The following SMPD3 variants were observed in gnomAD, a reference collection of about 807,000 sequenced individuals.
SMPD3 encodes sphingomyelin phosphodiesterase 3.
In SMPD3, 21 loss-of-function variants were observed where a neutral mutation model predicts 55.7. That is an observed-to-expected ratio of 0.38 (90% CI 0.27 to 0.54). The LOEUF (loss-of-function observed/expected upper bound fraction) is 0.54. Among genes scored for constraint, SMPD3 ranks in the 20% least tolerant of loss-of-function variants. SMPD3 has a pLI of 0.80. For missense variants in SMPD3, 842 were observed against 899.6 expected (o/e 0.94, Z 0.82); for synonymous variants, 457 against 404.3 (o/e 1.13, Z -1.56).
chr16:68,368,878 G>A (rs781073835), intron 3 of SMPD3: 3 of 152,224 alleles, frequency 2.0e-5, no homozygotes, highest in Non-Finnish European at 4.4e-5. Context: ...TGGGGCTGCT[G>A]AGAGAACCTG....
intron 2 of SMPD3, among the ~76,000 whole-genome samples, chr16:68,377,407 C>A (rs2089842771): frequency 6.6e-6 from 1 of 152,222 alleles, no homozygotes; most frequent in Non-Finnish European, 1.5e-5. Context: ...GCATTGACAG[C>A]CGGCAGCCCC....
intron 1 of SMPD3, among the ~76,000 whole-genome samples, chr16:68,435,097 C>CT (rs2090512041): frequency 6.8e-6 from 1 of 147,728 alleles, no homozygotes; most frequent in Non-Finnish European, 1.5e-5. Flanking sequence ...GGAAGCCCTT[C>CT]CTTTTGGCTC....
intron 2 of SMPD3, among the ~76,000 whole-genome samples, chr16:68,372,814 G>A (rs947980741): frequency 6.6e-6 from 1 of 152,308 alleles, no homozygotes; most frequent in South Asian, 2.1e-4. Context: ...AGGTGACCCT[G>A]GGTCAGAGGA....
At chr16:68,407,525 AGTCTTTGCTAT>A (rs1475086964) in intron 1 of SMPD3, among the ~76,000 whole-genome samples, 1 of 151,932 alleles carries the variant, frequency 6.6e-6, no homozygotes, top group Non-Finnish European at 1.5e-5. Flanking sequence ...TAAGAGATGG[AGTCTTTGCTAT>A]GTTGGCCAAG....
intron 3 of SMPD3, 68 bp downstream of exon 3, chr16:68,370,791 G>A: frequency 6.3e-7 from 1 of 1,581,534 alleles, no homozygotes; most frequent in Non-Finnish European, 8.6e-7. Flanking sequence ...CCCCGCTGCA[G>A]CCCCCCTGCC....
At chr16:68,395,866 A>C (rs2090152107) in intron 1 of SMPD3, among the ~76,000 whole-genome samples, 1 of 152,234 alleles carries the variant, frequency 6.6e-6, no homozygotes, top group South Asian at 2.1e-4. Context: ...AAACAATAAA[A>C]AAGATCTTGG....
chr16:68,395,606 C>T (rs1009027073), intron 1 of SMPD3, among the ~76,000 whole-genome samples: 2 of 152,166 alleles, frequency 1.3e-5, no homozygotes, highest in South Asian at 2.1e-4. Context: ...GGCCTGTGGC[C>T]GCCCTAGCCT....
intron 1 of SMPD3, among the ~76,000 whole-genome samples, chr16:68,400,712 G>A (rs2090197753): frequency 6.6e-6 from 1 of 152,158 alleles, no homozygotes; most frequent in South Asian, 2.1e-4. Context: ...ATCTGCCATG[G>A]TTGTGCCTCT....
chr16:68,385,679 CTTGTT>C (rs2090042485), intron 2 of SMPD3, among the ~76,000 whole-genome samples: 1 of 152,152 alleles, frequency 6.6e-6, no homozygotes, highest in Non-Finnish European at 1.5e-5. Context: ...TTACAGTAGT[CTTGTT>C]TTCGCTCCTA....
At chr16:68,434,709 T>A (rs1276362807) in intron 1 of SMPD3, among the ~76,000 whole-genome samples, 1 of 152,232 alleles carries the variant, frequency 6.6e-6, no homozygotes, top group Non-Finnish European at 1.5e-5. Flanking sequence ...TTTTCTCTTT[T>A]GCAGTGATTT....
intron 1 of SMPD3, among the ~76,000 whole-genome samples, chr16:68,403,442 C>G: frequency 6.6e-6 from 1 of 152,176 alleles, no homozygotes; most frequent in East Asian, 1.9e-4. Context: ...GGCCTCACCT[C>G]TATTTCTGCC....
At chr16:68,399,532 TC>T (rs2090189172) in intron 1 of SMPD3, among the ~76,000 whole-genome samples, 2 of 152,172 alleles carry the variant, frequency 1.3e-5, no homozygotes, top group Admixed American at 1.3e-4. Context: ...GCCTGTGGGG[TC>T]CCCTTCAAGA....
At chr16:68,401,300 C>T (rs1326970522) in intron 1 of SMPD3, among the ~76,000 whole-genome samples, 2 of 152,150 alleles carry the variant, frequency 1.3e-5, no homozygotes, top group Non-Finnish European at 2.9e-5. Flanking sequence ...ATGTAGCTGA[C>T]GCATTTGGAC....
chr16:68,392,203 A>G (rs1191845388), intron 1 of SMPD3, among the ~76,000 whole-genome samples: 1 of 152,144 alleles, frequency 6.6e-6, no homozygotes, highest in Non-Finnish European at 1.5e-5. Context: ...AGATTTTTCA[A>G]CTTTTCAATG....
At chr16:68,400,294 C>T (rs1260309203) in intron 1 of SMPD3, among the ~76,000 whole-genome samples, 1 of 152,186 alleles carries the variant, frequency 6.6e-6, no homozygotes, top group Non-Finnish European at 1.5e-5. Flanking sequence ...GAGTCCAGCC[C>T]AGCTCTGCCA....
chr16:68,426,068 C>T (rs1178550565), intron 1 of SMPD3, among the ~76,000 whole-genome samples: 2 of 152,276 alleles, frequency 1.3e-5, no homozygotes, highest in Non-Finnish European at 1.5e-5. Context: ...TAAGACACAA[C>T]AAAGGTGAAA....
At position 68,404,094 on chromosome 16, in the gene SMPD3, C is replaced by T. The variant is rs1336175477; in HGVS notation, c.-268-17435G>A. 6.6e-6 allele frequency among the ~76,000 whole-genome samples: 1 copy of T among 152,042 alleles called. No homozygotes were observed. Among genetic ancestry groups the T allele is most frequent in the African/African-American group, 2.4e-5 (1 of 41,384 alleles). On this transcript the variant is annotated intron_variant, in intron 1 of 8. Transcript: ENST00000219334. The surrounding 1 kb of genome is among the most constrained non-coding windows in gnomAD (Gnocchi z 4.0). ...GCAGTGGTGCCATCATGGCTCACTGCAGCCTCTGCCTCTCGGGCTCAAGAG... is the reference window on the plus strand; with the variant it reads ...GCAGTGGTGCCATCATGGCTCACTGTAGCCTCTGCCTCTCGGGCTCAAGAG...
At chr16:68,390,713 C>A (rs746748157) in intron 1 of SMPD3, among the ~76,000 whole-genome samples, 2 of 152,190 alleles carry the variant, frequency 1.3e-5, no homozygotes, top group Non-Finnish European at 2.9e-5. Flanking sequence ...TGCAGCCCAG[C>A]ACGTCTCAGC....
intron 1 of SMPD3, among the ~76,000 whole-genome samples, chr16:68,390,106 T>C (rs950652798): frequency 6.6e-6 from 1 of 152,248 alleles, no homozygotes; most frequent in Non-Finnish European, 1.5e-5. Flanking sequence ...CTCTCCTTTT[T>C]AGACCATATA....
Sources: allele counts gnomAD v4.1 joint callset (sites outside exome capture counted in the v4.1 genomes callset), GRCh38; gene constraint gnomAD v4.1.1; non-coding constraint Gnocchi (gnomAD v3.1); transcripts MANE v1.5; gene names NCBI Gene and HGNC (gene_info 2026-07-23, HGNC 2026-07-21).